The following EPB41L5 variants were observed in gnomAD, a reference collection of about 807,000 sequenced individuals.
EPB41L5 encodes band 4.1-like protein 5.
Under a neutral mutation model 106.6 loss-of-function variants are expected in EPB41L5, and 55 were observed. The observed-to-expected ratio is 0.52, with a 90% CI of 0.42 to 0.65. The LOEUF (loss-of-function observed/expected upper bound fraction) is 0.65. Ranked by LOEUF, EPB41L5 falls within the 30% of genes least tolerant of loss-of-function variation. The probability of loss-of-function intolerance (pLI) is 0.00; values close to 1 mark genes in which losing one functional copy is unlikely to be tolerated. For synonymous variants in EPB41L5, 297 were observed against 306.7 expected (o/e 0.97, Z 0.33); for missense variants, 871 against 882.1 (o/e 0.99, Z 0.16).
intron 1 of EPB41L5, chr2:120,013,459 C>G (rs1405957701): frequency 2.0e-5 from 3 of 152,200 alleles, no homozygotes; most frequent in Non-Finnish European, 4.4e-5. Context: ...CGCGACGGGC[C>G]GGGGCGGAGG....
At chr2:120,160,830 C>T (rs1369474249) in intron 20 of EPB41L5, 51 bp from the exon 21 acceptor site, 1 of 1,357,178 alleles carries the variant, frequency 7.4e-7, no homozygotes, top group Non-Finnish European at 1.0e-6. Flanking sequence ...GAAAATCCTG[C>T]CTGTACCTGT....
intron 10 of EPB41L5, among the ~76,000 whole-genome samples, chr2:120,079,054 A>G (rs966621358): frequency 2.0e-5 from 3 of 152,052 alleles, no homozygotes; most frequent in African/African-American, 4.8e-5. Flanking sequence ...TCAAGGATAG[A>G]TTTTACTTGG....
intron 3 of EPB41L5, among the ~76,000 whole-genome samples, chr2:120,054,616 C>G (rs1325355376): frequency 6.6e-6 from 1 of 151,980 alleles, no homozygotes; most frequent in East Asian, 1.9e-4. Context: ...GTTCTCCTGC[C>G]TCAGCCTCCG....
rs536277253 is a variant in EPB41L5, at chr2:120,018,390, C to G, written c.-8-687C>G. ...ACCTGATGAACTTCATGAATGTTTG[C>G]CTTCTCCTGCCAAATCAGTTCCTGA... On this transcript the variant is annotated intron_variant, in intron 1 of 24. Coordinates refer to ENST00000263713, the MANE Select transcript of EPB41L5 (RefSeq NM_020909.4). Among the ~76,000 whole-genome samples the G allele has an allele frequency of 5.8e-4, 89 of 152,236 alleles. 1 individual carries two copies. Among genetic ancestry groups the G allele is most frequent in the Non-Finnish European group, 1.1e-3 (72 of 68,016 alleles).
Position 120,090,791 on chromosome 2 carries a change from A to G in EPB41L5, c.1043+275A>G, listed in dbSNP as rs867560234. ...CCCACTCCCAGTTTATCTATTTAAC[A>G]AGAGTTTTATGGACTCTCCACCCAC... is the stretch of plus-strand genomic sequence containing the variant. On this transcript the variant is annotated intron_variant, in intron 12 of 24. Transcript: ENST00000263713. 2.6e-5 allele frequency among the ~76,000 whole-genome samples: 4 copies of G among 152,216 alleles called. No homozygotes were observed. The East Asian group carries it at 7.7e-4, about 29-fold the overall frequency.
At chr2:120,021,797 A>G (rs140188381) in intron 2 of EPB41L5, among the ~76,000 whole-genome samples, 5 of 152,352 alleles carry the variant, frequency 3.3e-5, no homozygotes, top group African/African-American at 1.2e-4. Flanking sequence ...ATTTCTAAAA[A>G]AGAAGAAATG....
At chr2:120,015,243 C>A (rs538872908) in intron 1 of EPB41L5, among the ~76,000 whole-genome samples, 3 of 151,386 alleles carry the variant, frequency 2.0e-5, no homozygotes, top group Non-Finnish European at 4.4e-5. Context: ...AGAAGAATGG[C>A]GTAAACCCGG....
chr2:120,075,522 T>C lies in EPB41L5; in HGVS notation c.452+2T>C. 2.6e-6 allele frequency: 4 copies of C among 1,552,672 alleles called. No homozygotes were observed. Among genetic ancestry groups the C allele is most frequent in the Non-Finnish European group, 3.6e-6 (4 of 1,126,426 alleles). On this transcript the variant is annotated splice_donor_variant, in intron 6 of 24. Coordinates refer to ENST00000263713, the MANE Select transcript of EPB41L5 (RefSeq NM_020909.4). LOFTEE classifies it high-confidence loss of function. The stretch of plus-strand genomic sequence containing the variant: ...AAAACAAGATATTCTCAGTGGAAAG[T>C]GAGTATTAGTTATTTAAGGATAAAT...
At chr2:120,055,864 A>C (rs1680615263) in intron 3 of EPB41L5, among the ~76,000 whole-genome samples, 1 of 152,168 alleles carries the variant, frequency 6.6e-6, no homozygotes, top group Non-Finnish European at 1.5e-5. Flanking sequence ...GTATAAGATC[A>C]TGTCATCTGC....
At chr2:120,090,623 A>G in intron 12 of EPB41L5, 107 bp downstream of exon 12, 1 of 997,258 alleles carries the variant, frequency 1.0e-6, no homozygotes, top group Non-Finnish European at 1.5e-6. Flanking sequence ...TAGAGGAATA[A>G]GGTGGTTTGC....
chr2:120,063,527 C>G (rs1178456711), intron 3 of EPB41L5, among the ~76,000 whole-genome samples: 2 of 151,976 alleles, frequency 1.3e-5, no homozygotes, highest in East Asian at 3.9e-4. Context: ...CCATATTACC[C>G]CTATAGAGTG....
chr2:120,088,416 G>A (rs1356697359), intron 11 of EPB41L5, among the ~76,000 whole-genome samples: 1 of 152,134 alleles, frequency 6.6e-6, no homozygotes, highest in Admixed American at 6.6e-5. Flanking sequence ...GGCAACAGCG[G>A]ACACTGGGAT....
At chr2:120,146,755 T>G (rs1686424892) in intron 20 of EPB41L5, among the ~76,000 whole-genome samples, 1 of 152,228 alleles carries the variant, frequency 6.6e-6, no homozygotes. Context: ...TCTTGTTAGT[T>G]AGGCTTTTAT....
At chr2:120,170,213 CAT>C (rs1281738830) in intron 24 of EPB41L5, among the ~76,000 whole-genome samples, 2 of 152,220 alleles carry the variant, frequency 1.3e-5, no homozygotes, top group Non-Finnish European at 2.9e-5. Context: ...AGATGAATCA[CAT>C]AAACATAATT....
chr2:120,058,895 G>C (rs556362995), intron 3 of EPB41L5, among the ~76,000 whole-genome samples: 1 of 152,230 alleles, frequency 6.6e-6, no homozygotes, highest in African/African-American at 2.4e-5. Context: ...TGATATACAG[G>C]TTTAATGCAG....
chr2:120,083,627 A>T (rs1170276821), intron 10 of EPB41L5, among the ~76,000 whole-genome samples: 1 of 152,156 alleles, frequency 6.6e-6, no homozygotes, highest in Non-Finnish European at 1.5e-5. Flanking sequence ...GTTCCGCTTG[A>T]TGCAGAGCTG....
chr2:120,105,177 T>TGGCCGGGCGCGG, intron 16 of EPB41L5: 1 of 979,714 alleles, frequency 1.0e-6, no homozygotes, highest in South Asian at 4.7e-5. Flanking sequence ...TTCAAGCTCC[T>TGGCCGGGCGCGG]TGGTTTAATT....
Position 120,063,560 on chromosome 2 carries a change from G to A in EPB41L5, c.286-9618G>A, listed in dbSNP as rs553395634. Among the ~76,000 whole-genome samples, 146 of 152,010 alleles carry A rather than the reference G, an allele frequency of 9.6e-4. 1 individual carries two copies. Among genetic ancestry groups the A allele is most frequent in the African/African-American group, 3.3e-3 (135 of 41,450 alleles). ...GTGTACTATGCTTATTACCTGGGTG[G>A]CAAAATAACCTGTATACCAAACCCC... On this transcript the variant is annotated intron_variant, in intron 3 of 24. Coordinates refer to ENST00000263713, the MANE Select transcript of EPB41L5 (RefSeq NM_020909.4).
At chr2:120,165,029 T>TATG in intron 22 of EPB41L5, 119 bp downstream of exon 22, 1 of 707,208 alleles carries the variant, frequency 1.4e-6, no homozygotes, top group African/African-American at 2.1e-5. Flanking sequence ...GATAAGAGTT[T>TATG]ATGTTTTAAT....
Sources: gnomAD v4.1 joint callset for allele counts (sites outside exome capture counted in the v4.1 genomes callset) on GRCh38, gnomAD v4.1.1 for gene constraint, MANE v1.5 for transcripts, NCBI Gene and HGNC (gene_info 2026-07-23, HGNC 2026-07-21) for gene names.